Variants in TAAR1 observed in about 807,000 individuals in gnomAD.
TAAR1 encodes the protein trace amine associated receptor 1.
In TAAR1, 1 loss-of-function variant was observed where a neutral mutation model predicts 1.2. The ratio of observed to expected loss-of-function variants is 0.81; its 90% confidence interval spans 0.29 to 3.86. The LOEUF (loss-of-function observed/expected upper bound fraction) is 3.86, where lower values mean the gene tolerates loss of function less well. Among genes scored for constraint, TAAR1 ranks in the 30% most tolerant of loss-of-function variants. The pLI is 0.18. For missense variants in TAAR1, 445 were observed against 405.6 expected, an observed-to-expected ratio of 1.10 and a Z score of -0.83; for synonymous variants, 153 against 132.2, an observed-to-expected ratio of 1.16 and a Z score of -1.08.
chr6:132,654,256 A>C (rs1431283454), intron 1 of TAAR1, among the ~76,000 whole-genome samples: 1 of 152,222 alleles, frequency 6.6e-6, no homozygotes, highest in African/African-American at 2.4e-5. Flanking sequence ...CAAATCTAGC[A>C]AGGTTCTATC....
chr6:132,645,118 T>A lies in TAAR1; in HGVS notation c.886A>T (p.Asn296Tyr). 6.2e-7 allele frequency: 1 copy of A among 1,613,078 alleles called. No homozygotes were observed. Among genetic ancestry groups the A allele is most frequent in the Non-Finnish European group, 8.5e-7 (1 of 1,179,544 alleles). The stretch of plus-strand genomic sequence containing the variant: ...TAAACCATTGGATTAAATGTAGAGT[T>A]CAAGTAGCCAAACCAAATCAATACA... ...NDVLIWFGYL[N>Y]STFNPMVYAF... is the part of the protein sequence containing the mutation. Residue 296 changes from asparagine (N) to tyrosine (Y), a missense_variant, in exon 2 of 2, where the codon AAC becomes TAC. Asn to Tyr is a moderately radical substitution (Grantham distance 143, BLOSUM62 -2). Transcript: ENST00000275216.
rs746246447 is a variant in TAAR1 at position 132,645,318 on chromosome 6, T to C, written c.686A>G (p.Gln229Arg). 1.9e-6 allele frequency: 3 copies of C among 1,613,656 alleles called. No homozygotes were observed. The highest frequency in any genetic ancestry group is 2.5e-6 in the Non-Finnish European group (3 of 1,179,782). Residue 229 changes from glutamine (Q) to arginine (R), a missense_variant, in exon 2 of 2, where the codon CAG (glutamine) becomes CGG (arginine). Gln to Arg is a conservative substitution (Grantham distance 43, BLOSUM62 1). Transcript: ENST00000275216. Reference sequence around the variant, plus strand: ...CATTTCCAATCCAATTTGGAGCTTCTGATTGGCATCACTAATTAATCTTGC... The same window carrying C: ...CATTTCCAATCCAATTTGGAGCTTCCGATTGGCATCACTAATTAATCTTGC... Reference protein sequence around the residue: ...EQARLISDANQKLQIGLEMKN... With the variant: ...EQARLISDANRKLQIGLEMKN...
rs1582749558 is a variant in TAAR1 at position 132,645,344 on chromosome 6, C to T, written c.660G>A (p.Gln220=). 6.2e-7 allele frequency: 1 copy of T among 1,613,408 alleles called. No individual in the cohort carries two copies. Among genetic ancestry groups the T allele is most frequent in the East Asian group, 2.2e-5 (1 of 44,848 alleles). The change falls in exon 2 of 2, where the codon CAG becomes CAA. Residue 220 remains glutamine (Q), a synonymous_variant. Transcript: ENST00000275216. The part of the protein sequence containing the change: ...YYRIYLIAKE[Q]ARLISDANQK... ...GATTGGCATCACTAATTAATCTTGC[C>T]TGTTCTTTAGCGATAAGATATATTC... is the stretch of plus-strand genomic sequence containing the variant.
chr6:132,650,996 CTG>C (rs79599493), intron 1 of TAAR1, among the ~76,000 whole-genome samples: 9,465 of 152,244 alleles, frequency 0.062, 332 homozygotes, highest in East Asian at 0.11. Context: ...TTAAAATTCA[CTG>C]TAATGAGAAT....
rs149051123 is a variant in TAAR1 at position 132,658,151 on chromosome 6, C to T, written c.-127+979G>A. 4.7e-3 allele frequency among the ~76,000 whole-genome samples: 711 copies of T among 152,016 alleles called. 3 individuals carry two copies. Among genetic ancestry groups the T allele is most frequent in the African/African-American group, 0.016 (655 of 41,462 alleles). Reference sequence around the variant, plus strand: ...AACTATACTTGTAGCTCTGTAATTCCAGTATTTTTAATAAACATACTAAAA... The same window carrying T: ...AACTATACTTGTAGCTCTGTAATTCTAGTATTTTTAATAAACATACTAAAA... On this transcript the variant is annotated intron_variant, in intron 1 of 1. Coordinates refer to ENST00000275216, the MANE Select transcript of TAAR1 (RefSeq NM_138327.4).
chr6:132,647,630 AAGAAAGAAAGAAAGAAAG>A (rs1777695144), intron 1 of TAAR1, among the ~76,000 whole-genome samples: 1 of 84,806 alleles, frequency 1.2e-5, no homozygotes, highest in African/African-American at 7.6e-5. Flanking sequence ...AAAGGAAAGA[AAGAAAGAAAGAAAGAAAG>A]AAAGAAAGAA....
At chr6:132,655,677 C>T (rs888232917) in intron 1 of TAAR1, among the ~76,000 whole-genome samples, 5 of 152,076 alleles carry the variant, frequency 3.3e-5, no homozygotes, top group Non-Finnish European at 7.4e-5. Flanking sequence ...AGTATCACTC[C>T]GATTGCTGCC....
intron 1 of TAAR1, among the ~76,000 whole-genome samples, chr6:132,651,072 GGT>G (rs1342034300): frequency 2.0e-5 from 3 of 152,090 alleles, no homozygotes; most frequent in African/African-American, 7.2e-5. Context: ...TAAACCCAGT[GGT>G]AAGTTATCAG....
chr6:132,647,261 G>A (rs76059021), intron 1 of TAAR1, among the ~76,000 whole-genome samples: 3,325 of 151,872 alleles, frequency 0.022, 91 homozygotes, highest in East Asian at 0.12. Context: ...GAACCTCAAA[G>A]TTCCAGGGGA....
In TAAR1 at chr6:132,645,083, G is replaced by GA. The variant is rs1381749337; in HGVS notation, c.920dup (p.Tyr308LeufsTer5). The GA allele has an allele frequency of 6.2e-7, 1 of 1,611,410 alleles. No homozygotes were observed. The highest frequency in any genetic ancestry group is 1.7e-5 in the Admixed American group (1 of 59,488). On this transcript the variant is annotated frameshift_variant, in exon 2 of 2. Coordinates refer to ENST00000275216, the MANE Select transcript of TAAR1 (RefSeq NM_138327.4). LOFTEE classifies it high-confidence loss of function. ...TCAGTGCTTTTCTAAACCAAGGATA[G>GA]AAAAATGCATAAACCATTGGATTAA...
intron 1 of TAAR1, among the ~76,000 whole-genome samples, chr6:132,656,708 G>A (rs759161957): frequency 6.6e-6 from 1 of 152,102 alleles, no homozygotes; most frequent in South Asian, 2.1e-4. Context: ...CAAATAGAAA[G>A]AACTGGTTAT....
At chr6:132,658,480 GTTC>G (rs1310965061) in intron 1 of TAAR1, among the ~76,000 whole-genome samples, 2 of 152,062 alleles carry the variant, frequency 1.3e-5, no homozygotes, top group Admixed American at 1.3e-4. Context: ...TAACTAAAAG[GTTC>G]TTAAGTTAAT....
chr6:132,655,880 G>T (rs1350545656), intron 1 of TAAR1, among the ~76,000 whole-genome samples: 1 of 152,190 alleles, frequency 6.6e-6, no homozygotes, highest in African/African-American at 2.4e-5. Flanking sequence ...AGCCTTGATT[G>T]TCGGTTTAGA....
intron 1 of TAAR1, among the ~76,000 whole-genome samples, chr6:132,652,386 C>G (rs1386274987): frequency 2.7e-5 from 4 of 149,670 alleles, no homozygotes; most frequent in Non-Finnish European, 5.9e-5. Flanking sequence ...TCACTGCAAC[C>G]TCCTCCAACT....
chr6:132,652,584 C>G (rs1403475975), intron 1 of TAAR1, among the ~76,000 whole-genome samples: 5 of 149,180 alleles, frequency 3.4e-5, no homozygotes, highest in African/African-American at 1.2e-4. Context: ...GGATTACAGG[C>G]GTGAGCCACC....
rs763545327 is a variant in TAAR1 at position 132,646,019 on chromosome 6, A to C, written c.-16T>G. The C allele has an allele frequency of 4.5e-6, 7 of 1,563,110 alleles. No individual in the cohort carries two copies. The highest frequency in any genetic ancestry group is 1.7e-4 in the Middle Eastern group (1 of 5,820). On this transcript the variant is annotated 5_prime_UTR_variant, in exon 2 of 2. Coordinates refer to ENST00000275216, the MANE Select transcript of TAAR1 (RefSeq NM_138327.4). The stretch of plus-strand genomic sequence containing the variant: ...AGGGCATCATTCCTGAGGGCTGTCA[A>C]TCAGTTTACTTTTCCCTTTGTGTGT...
intron 1 of TAAR1, among the ~76,000 whole-genome samples, chr6:132,649,241 T>C (rs573771901): frequency 3.3e-5 from 5 of 152,276 alleles, no homozygotes; most frequent in Admixed American, 1.3e-4. Context: ...CCTAAAATTC[T>C]TTTTTTAAAT....
chr6:132,650,701 T>C (rs1777740204), intron 1 of TAAR1, among the ~76,000 whole-genome samples: 1 of 152,162 alleles, frequency 6.6e-6, no homozygotes, highest in African/African-American at 2.4e-5. Flanking sequence ...TTGCTGCAAA[T>C]TACTGTAAAT....
In TAAR1 at chr6:132,644,562, G is replaced by A. The variant is rs1236719625; in HGVS notation, c.*422C>T. ...GTAACATTTAATGTGTGTACTTTTA[G>A]TTGATTTTACTAAAAGACTTATACA... On this transcript the variant is annotated 3_prime_UTR_variant, in exon 2 of 2. Coordinates refer to ENST00000275216, the MANE Select transcript of TAAR1 (RefSeq NM_138327.4). Among the ~76,000 whole-genome samples the A allele has an allele frequency of 2.6e-5, 4 of 151,910 alleles. No individual in the cohort carries two copies. Among genetic ancestry groups the A allele is most frequent in the African/African-American group, 9.7e-5 (4 of 41,376 alleles).
Sources: gnomAD v4.1 joint callset for allele counts (sites outside exome capture counted in the v4.1 genomes callset) on GRCh38, gnomAD v4.1.1 for gene constraint, MANE v1.5 for transcripts, NCBI Gene and HGNC (gene_info 2026-07-23, HGNC 2026-07-21) for gene names.